Variants in ARHGEF26 observed in about 807,000 individuals in gnomAD.
The protein encoded by ARHGEF26 is Rho guanine nucleotide exchange factor (GEF) 26.
Under a neutral mutation model 89.4 loss-of-function variants are expected in ARHGEF26, and 59 were observed. That is an observed-to-expected ratio of 0.66 (90% CI 0.54 to 0.82). The LOEUF (loss-of-function observed/expected upper bound fraction) is 0.82. Ranked by LOEUF, ARHGEF26 falls within the 40% of genes least tolerant of loss-of-function variation. ARHGEF26 has a pLI of 0.00. For missense variants in ARHGEF26, 1,234 were observed against 1,085.6 expected, an observed-to-expected ratio of 1.14 and a Z score of -1.92; for synonymous variants, 500 against 428.4, an observed-to-expected ratio of 1.17 and a Z score of -2.06.
At position 154,255,593 on chromosome 3, in the gene ARHGEF26, T is replaced by C. The variant is rs1369490004; in HGVS notation, c.*120T>C. The C allele has an allele frequency of 6.8e-7, 1 of 1,462,286 alleles. No individual in the cohort carries two copies. The highest frequency in any genetic ancestry group is 9.0e-7 in the Non-Finnish European group (1 of 1,110,006). 90.6% of individuals were successfully genotyped at this position (1,462,286 alleles called of 1,614,324 possible). A position where few individuals can be genotyped will look rare whatever the true frequency, so the allele number is the denominator to read the frequency against. ...TATTTAATTAAAAGAACGAAAACACTTGCCTTTAAGCTTGCCAGGTTGTTC... is the reference window on the plus strand; with the variant it reads ...TATTTAATTAAAAGAACGAAAACACCTGCCTTTAAGCTTGCCAGGTTGTTC... On this transcript the variant is annotated 3_prime_UTR_variant, in exon 15 of 15. Coordinates refer to ENST00000465093, the MANE Select transcript of ARHGEF26 (RefSeq NM_015595.4).
At chr3:154,201,037 C>CCAT in intron 9 of ARHGEF26, among the ~76,000 whole-genome samples, 1 of 151,874 alleles carries the variant, frequency 6.6e-6, no homozygotes, top group East Asian at 1.9e-4. Flanking sequence ...TTTTAGGGTA[C>CCAT]ATGTGCACAA....
At chr3:154,160,223 G>A (rs936000309) in intron 6 of ARHGEF26, among the ~76,000 whole-genome samples, 11 of 152,130 alleles carry the variant, frequency 7.2e-5, no homozygotes, top group African/African-American at 1.9e-4. Context: ...GTAAGTCTAC[G>A]TGAGTATTCT....
chr3:154,198,932 G>T (rs1165815330), intron 9 of ARHGEF26, among the ~76,000 whole-genome samples: 1 of 151,970 alleles, frequency 6.6e-6, no homozygotes, highest in African/African-American at 2.4e-5. Flanking sequence ...TATTAATTTT[G>T]TGGGTACATA....
chr3:154,237,761 G>A (rs887998435), intron 11 of ARHGEF26, among the ~76,000 whole-genome samples: 2 of 152,002 alleles, frequency 1.3e-5, no homozygotes, highest in East Asian at 1.9e-4. Context: ...TACCTACAAC[G>A]CCTACACACA....
intron 6 of ARHGEF26, among the ~76,000 whole-genome samples, chr3:154,153,389 T>G (rs1374050724): frequency 6.6e-6 from 1 of 152,140 alleles, no homozygotes; most frequent in Non-Finnish European, 1.5e-5. Context: ...ATAATAAACT[T>G]TTATACATTC....
At position 154,148,685 on chromosome 3, in the gene ARHGEF26, G is replaced by T. The variant is rs191984578; in HGVS notation, c.1270-704G>T. Among the ~76,000 whole-genome samples the T allele has an allele frequency of 1.6e-3, 242 of 152,268 alleles. 7 individuals carry two copies. The South Asian group carries it at 0.029, about 18-fold the overall frequency. On this transcript the variant is annotated intron_variant, in intron 4 of 14. Transcript: ENST00000465093. ...CTGTATATCCATCTGCCGGACTTTG[G>T]GTCATGCAGGAAATCCTGTGAAATT...
chr3:154,171,240 A>G (rs993440147), intron 6 of ARHGEF26, among the ~76,000 whole-genome samples: 1 of 152,312 alleles, frequency 6.6e-6, no homozygotes, highest in East Asian at 1.9e-4. Flanking sequence ...AGGAAAATTG[A>G]GCAGCAAGTA....
intron 9 of ARHGEF26, among the ~76,000 whole-genome samples, chr3:154,195,007 CCA>C (rs1714200344): frequency 6.6e-6 from 1 of 152,166 alleles, no homozygotes; most frequent in African/African-American, 2.4e-5. Flanking sequence ...TGAGTATCAA[CCA>C]CTGTGCCAAG....
intron 6 of ARHGEF26, among the ~76,000 whole-genome samples, chr3:154,166,143 G>T (rs888385220): frequency 6.6e-6 from 1 of 152,120 alleles, no homozygotes; most frequent in Non-Finnish European, 1.5e-5. Flanking sequence ...CCATGTTCAA[G>T]CGATTCTCCT....
At chr3:154,141,087 G>T (rs1719349379) in intron 4 of ARHGEF26, among the ~76,000 whole-genome samples, 1 of 152,110 alleles carries the variant, frequency 6.6e-6, no homozygotes, top group Middle Eastern at 3.4e-3. Context: ...TCAGCCTCCT[G>T]AGTAGCTGGG....
At chr3:154,234,154 C>T (rs1423077743) in intron 11 of ARHGEF26, among the ~76,000 whole-genome samples, 8 of 152,096 alleles carry the variant, frequency 5.3e-5, no homozygotes, top group African/African-American at 7.2e-5. Context: ...TAAGCGGGTA[C>T]GTGAGAGTTA....
At chr3:154,176,420 CT>C (rs1195571282) in intron 6 of ARHGEF26, among the ~76,000 whole-genome samples, 1 of 152,138 alleles carries the variant, frequency 6.6e-6, no homozygotes, top group Non-Finnish European at 1.5e-5. Flanking sequence ...AGAGGTAACA[CT>C]AGAAAATGAC....
intron 6 of ARHGEF26, among the ~76,000 whole-genome samples, chr3:154,184,152 T>A (rs2108168853): frequency 6.6e-6 from 1 of 152,156 alleles, no homozygotes; most frequent in African/African-American, 2.4e-5. Context: ...TTTTGTATTT[T>A]AAGTAGAGAT....
intron 9 of ARHGEF26, among the ~76,000 whole-genome samples, chr3:154,207,651 G>A (rs1407252277): frequency 6.6e-6 from 1 of 152,182 alleles, no homozygotes; most frequent in Non-Finnish European, 1.5e-5. Flanking sequence ...ATTGGTGGGA[G>A]TGTATATTAG....
chr3:154,196,797 A>G (rs1235036840), intron 9 of ARHGEF26, among the ~76,000 whole-genome samples: 1 of 152,026 alleles, frequency 6.6e-6, no homozygotes, highest in Non-Finnish European at 1.5e-5. Flanking sequence ...GAAACGGGGG[A>G]AGGTTTTTAG....
At chr3:154,252,694 G>GTT (rs1277532018) in intron 12 of ARHGEF26, among the ~76,000 whole-genome samples, 1 of 152,186 alleles carries the variant, frequency 6.6e-6, no homozygotes, top group Non-Finnish European at 1.5e-5. Context: ...TTACGGAAAG[G>GTT]TTTGAGTGTG....
intron 7 of ARHGEF26, among the ~76,000 whole-genome samples, chr3:154,190,708 G>C (rs186993956): frequency 6.6e-6 from 1 of 152,314 alleles, no homozygotes; most frequent in Admixed American, 6.5e-5. Context: ...TCATTAAAAT[G>C]TTATAGCAGC....
intron 6 of ARHGEF26, among the ~76,000 whole-genome samples, chr3:154,165,921 C>T (rs1005826077): frequency 5.9e-5 from 9 of 152,176 alleles, no homozygotes; most frequent in Non-Finnish European, 1.3e-4. Flanking sequence ...CTTAGCTTTG[C>T]AGACATTACC....
At chr3:154,152,065 C>G (rs1720058696) in intron 5 of ARHGEF26, among the ~76,000 whole-genome samples, 1 of 152,232 alleles carries the variant, frequency 6.6e-6, no homozygotes, top group Non-Finnish European at 1.5e-5. Flanking sequence ...AGGAAAACCA[C>G]TGTGTGCCTG....
Sources: gnomAD v4.1 joint callset for allele counts (sites outside exome capture counted in the v4.1 genomes callset) on GRCh38, gnomAD v4.1.1 for gene constraint, MANE v1.5 for transcripts, NCBI Gene and HGNC (gene_info 2026-07-23, HGNC 2026-07-21) for gene names.